Variants in MSH3 observed in about 807,000 individuals in gnomAD.
MSH3 encodes DNA mismatch repair protein Msh3.
Under a neutral mutation model 123.3 loss-of-function variants are expected in MSH3, and 106 were observed. The observed-to-expected ratio is 0.86, with a 90% confidence interval of 0.73 to 1.01. MSH3 has a LOEUF of 1.01. Ranked by LOEUF, MSH3 falls within the 50% of genes least tolerant of loss-of-function variation. The pLI, the probability that MSH3 is intolerant of heterozygous loss-of-function variation, is 0.00. For missense variants in MSH3, 1,459 were observed against 1,347.6 expected (o/e 1.08, Z -1.29); for synonymous variants, 515 against 481.4 (o/e 1.07, Z -0.91).
At chr5:80,680,308 A>G (rs1749947702) in intron 8 of MSH3, among the ~76,000 whole-genome samples, 1 of 151,414 alleles carries the variant, frequency 6.6e-6, no homozygotes, top group Non-Finnish European at 1.5e-5. Context: ...GAAGTTCCAT[A>G]TGTTTCTTTG....
chr5:80,873,037 G>C, intron 22 of MSH3, 79 bp from the exon 23 acceptor site: 1 of 1,243,220 alleles, frequency 8.0e-7, no homozygotes, highest in Non-Finnish European at 1.2e-6. Flanking sequence ...AAAGTTATGA[G>C]AACTTACATG....
chr5:80,716,599 T>C (rs1561453678), intron 8 of MSH3, among the ~76,000 whole-genome samples: 1 of 152,106 alleles, frequency 6.6e-6, no homozygotes, highest in Non-Finnish European at 1.5e-5. Context: ...TTTACATATT[T>C]ATTCTTGATT....
intron 15 of MSH3, among the ~76,000 whole-genome samples, chr5:80,770,569 G>C (rs73765870): frequency 0.023 from 3,444 of 152,198 alleles, 123 homozygotes; most frequent in African/African-American, 0.078. Context: ...ATTCCAGTTT[G>C]TTGGAAAGAA....
intron 8 of MSH3, among the ~76,000 whole-genome samples, chr5:80,704,142 C>T (rs2074519164): frequency 6.6e-6 from 1 of 152,180 alleles, no homozygotes; most frequent in South Asian, 2.1e-4. Flanking sequence ...AGCACTGGGT[C>T]TATCAGTGCT....
chr5:80,849,070 A>G (rs1745780184), intron 20 of MSH3, among the ~76,000 whole-genome samples: 1 of 152,152 alleles, frequency 6.6e-6, no homozygotes, highest in African/African-American at 2.4e-5. Flanking sequence ...GCCAAAACAA[A>G]GGGGCTACAG....
At chr5:80,733,690 A>G (rs1422787086) in intron 10 of MSH3, among the ~76,000 whole-genome samples, 5 of 152,156 alleles carry the variant, frequency 3.3e-5, no homozygotes, top group Non-Finnish European at 4.4e-5. Context: ...TCCAAAGGAT[A>G]TATGCAAACA....
rs1008382885 is a variant in MSH3, at chr5:80,674,982, A to T, written c.1028-1A>T. Reference sequence around the variant, plus strand: ...AATTATTTTTCTTTAATTATTATTAAATGTGAATCCCCTAATCAAGCTGGA... The same window carrying T: ...AATTATTTTTCTTTAATTATTATTATATGTGAATCCCCTAATCAAGCTGGA... On this transcript the variant is annotated splice_acceptor_variant, in intron 6 of 23. Transcript: ENST00000265081. LOFTEE classifies it high-confidence loss of function. The T allele has an allele frequency of 1.9e-6, 3 of 1,594,596 alleles. No homozygotes were observed. Among genetic ancestry groups the T allele is most frequent in the Admixed American group, 3.3e-5 (2 of 59,852 alleles).
chr5:80,655,038 CG>C (rs1749229881), intron 1 of MSH3, 74 bp downstream of exon 1: 12 of 890,110 alleles, frequency 1.3e-5, no homozygotes, highest in Non-Finnish European at 1.9e-5. Flanking sequence ...CGGGCGGAGG[CG>C]GGGACCCTCC....
At chr5:80,822,130 G>A (rs1167860823) in intron 20 of MSH3, among the ~76,000 whole-genome samples, 2 of 152,170 alleles carry the variant, frequency 1.3e-5, no homozygotes, top group Non-Finnish European at 1.5e-5. Flanking sequence ...TTTAGATCTA[G>A]AAAACTCAAG....
intron 9 of MSH3, among the ~76,000 whole-genome samples, chr5:80,726,917 C>G (rs911482654): frequency 6.6e-6 from 1 of 152,192 alleles, no homozygotes; most frequent in African/African-American, 2.4e-5. Flanking sequence ...ACACACCTTA[C>G]AAGCAGAGCA....
chr5:80,868,887 C>T (rs1220581571), intron 22 of MSH3, among the ~76,000 whole-genome samples: 2 of 152,040 alleles, frequency 1.3e-5, no homozygotes, highest in African/African-American at 2.4e-5. Flanking sequence ...GCTCCACTGC[C>T]TGCTGCCTTC....
chr5:80,838,454 C>T (rs1039706325), intron 20 of MSH3, among the ~76,000 whole-genome samples: 11 of 152,090 alleles, frequency 7.2e-5, no homozygotes, highest in African/African-American at 2.4e-4. Flanking sequence ...GAGATAATGC[C>T]GGTAAAACAC....
chr5:80,744,480 A>G, intron 11 of MSH3, 26 bp from the exon 12 acceptor site: 2 of 1,534,436 alleles, frequency 1.3e-6, no homozygotes, highest in Non-Finnish European at 1.8e-6. Flanking sequence ...TCTAGTTAAT[A>G]AAACTTGTTT....
At position 80,858,091 on chromosome 5, in the gene MSH3, C is replaced by G. The variant is rs28869219; in HGVS notation, c.3000+3775C>G. On this transcript the variant is annotated intron_variant, in intron 21 of 23. Coordinates refer to ENST00000265081, the MANE Select transcript of MSH3 (RefSeq NM_002439.5). ...ACAGGGTCTTGCTCTGTTACCCAGG[C>G]TGGACTGCAGTGGCATGAACATAGC... Among the ~76,000 whole-genome samples the G allele has an allele frequency of 4.3e-3, 662 of 152,212 alleles. 6 individuals carry two copies. Among genetic ancestry groups the G allele is most frequent in the African/African-American group, 0.015 (638 of 41,516 alleles).
intron 18 of MSH3, among the ~76,000 whole-genome samples, chr5:80,788,960 A>T (rs895379918): frequency 6.6e-6 from 1 of 152,056 alleles, no homozygotes; most frequent in Non-Finnish European, 1.5e-5. Context: ...GTTCTATCCT[A>T]GTGTATCCTC....
intron 12 of MSH3, among the ~76,000 whole-genome samples, chr5:80,760,200 C>T (rs1269937412): frequency 6.6e-6 from 1 of 152,196 alleles, no homozygotes; most frequent in Non-Finnish European, 1.5e-5. Context: ...CTTTCATCCA[C>T]TTGTTTATTT....
At chr5:80,671,348 G>A (rs1047951333) in intron 4 of MSH3, among the ~76,000 whole-genome samples, 15 of 152,144 alleles carry the variant, frequency 9.9e-5, no homozygotes, top group Admixed American at 2.0e-4. Flanking sequence ...GTGCTTCTTG[G>A]ATGGGAAGTA....
chr5:80,800,861 G>A (rs1660076403), intron 19 of MSH3, among the ~76,000 whole-genome samples: 1 of 152,166 alleles, frequency 6.6e-6, no homozygotes, highest in Admixed American at 6.6e-5. Context: ...GAAAATTCAG[G>A]TAATTTCAGA....
intron 15 of MSH3, among the ~76,000 whole-genome samples, chr5:80,769,358 A>G (rs986496526): frequency 4.6e-5 from 7 of 152,108 alleles, no homozygotes; most frequent in African/African-American, 7.2e-5. Flanking sequence ...TGATGAAATG[A>G]TACAAAGCCT....
Sources: allele counts gnomAD v4.1 joint callset (sites outside exome capture counted in the v4.1 genomes callset), GRCh38; gene constraint gnomAD v4.1.1; transcripts MANE v1.5; gene names NCBI Gene and HGNC (gene_info 2026-07-23, HGNC 2026-07-21).